SPPL3: variants seen among roughly 807,000 people sequenced by gnomAD.
SPPL3 encodes signal peptide peptidase-like 3.
Under a neutral mutation model 42.4 loss-of-function variants are expected in SPPL3, and 5 were observed. That is an observed-to-expected ratio of 0.12 (90% CI 0.06 to 0.25). The LOEUF is 0.25. Ranked by LOEUF, SPPL3 falls within the 10% of genes least tolerant of loss-of-function variation. The probability of loss-of-function intolerance (pLI) is 1.00; values close to 1 mark genes in which losing one functional copy is unlikely to be tolerated. For synonymous variants in SPPL3, 195 were observed against 181.8 expected, an observed-to-expected ratio of 1.07 and a Z score of -0.58; for missense variants, 235 against 489.0, an observed-to-expected ratio of 0.48 and a Z score of 4.90.
At chr12:120,783,824 C>G (rs1869623291) in intron 4 of SPPL3, 72 bp from the exon 5 acceptor site, 1 of 1,333,978 alleles carries the variant, frequency 7.5e-7, no homozygotes, top group African/African-American at 1.5e-5. Flanking sequence ...AAACTTCATT[C>G]CGCCAAACAC....
chr12:120,798,120 G>C (rs1870167357), intron 2 of SPPL3, among the ~76,000 whole-genome samples: 1 of 152,108 alleles, frequency 6.6e-6, no homozygotes, highest in East Asian at 1.9e-4. Flanking sequence ...TCCCCAGCAG[G>C]ACCAAAACAC....
At chr12:120,820,920 CCACCT>C (rs1871048100) in intron 1 of SPPL3, among the ~76,000 whole-genome samples, 1 of 151,996 alleles carries the variant, frequency 6.6e-6, no homozygotes, top group Non-Finnish European at 1.5e-5. Flanking sequence ...TATGGAGATC[CCACCT>C]CCACAAAAAT....
At chr12:120,800,922 A>C (rs1347101873) in intron 2 of SPPL3, among the ~76,000 whole-genome samples, 1 of 152,234 alleles carries the variant, frequency 6.6e-6, no homozygotes. Context: ...ATTCACAGAA[A>C]AACTCCATGA....
rs530826043 is a variant in SPPL3 at position 120,781,904 on chromosome 12, G to A, written c.502+751C>T. On this transcript the variant is annotated intron_variant, in intron 6 of 10. Transcript: ENST00000353487. The stretch of plus-strand genomic sequence containing the variant: ...TATTGTTACTTTTTAAAGAGACAGG[G>A]TCTCACTCTGTTGCTGAGGCTGGAG... 4.6e-5 allele frequency among the ~76,000 whole-genome samples: 7 copies of A among 151,530 alleles called. No homozygotes were observed. The South Asian group carries it at 1.5e-3, about 32-fold the overall frequency.
chr12:120,835,104 C>G (rs189415028), intron 1 of SPPL3, among the ~76,000 whole-genome samples: 1 of 151,790 alleles, frequency 6.6e-6, no homozygotes, highest in East Asian at 1.9e-4. Context: ...CCTGTTAGAC[C>G]ACAGTCTCCT....
chr12:120,885,785 A>T (rs1873432709), intron 1 of SPPL3, among the ~76,000 whole-genome samples: 1 of 152,026 alleles, frequency 6.6e-6, no homozygotes. Context: ...GTAAACAGAA[A>T]GTGATGGGGA....
chr12:120,789,310 C>T (rs1332347517), intron 3 of SPPL3, among the ~76,000 whole-genome samples: 1 of 151,282 alleles, frequency 6.6e-6, no homozygotes, highest in Non-Finnish European at 1.5e-5. Context: ...AAAAATTAGC[C>T]AGGTGTGGTG....
intron 1 of SPPL3, among the ~76,000 whole-genome samples, chr12:120,867,126 A>G (rs1872777287): frequency 6.6e-6 from 1 of 152,168 alleles, no homozygotes; most frequent in Non-Finnish European, 1.5e-5. Flanking sequence ...GCTATTTCCT[A>G]CATATAAAAT....
rs187374518 is a variant in SPPL3 at position 120,806,830 on chromosome 12, G to C, written c.101+3979C>G. ...CCACTGCACTCCAGCCTGGGCGACA[G>C]AGCGAGACTCCATTAAAAAAAAAAA... On this transcript the variant is annotated intron_variant, in intron 2 of 10. Coordinates refer to ENST00000353487, the MANE Select transcript of SPPL3 (RefSeq NM_139015.5). Among the ~76,000 whole-genome samples, 1,002 of 142,796 alleles carry C rather than the reference G, an allele frequency of 7.0e-3. 7 individuals carry two copies. The highest frequency in any genetic ancestry group is 0.028 in the South Asian group (118 of 4,210). The allele number at this position is 142,796 out of a possible 152,430, so 93.7% of individuals were successfully genotyped here.
At chr12:120,900,562 C>CCAGCCTG in intron 1 of SPPL3, among the ~76,000 whole-genome samples, 1 of 148,862 alleles carries the variant, frequency 6.7e-6, no homozygotes, top group East Asian at 2.0e-4. Flanking sequence ...CCACTGCACT[C>CCAGCCTG]CAGCCTGCAT....
intron 1 of SPPL3, among the ~76,000 whole-genome samples, chr12:120,828,917 G>A (rs1014073185): frequency 6.6e-6 from 1 of 151,722 alleles, no homozygotes; most frequent in South Asian, 2.1e-4. Flanking sequence ...TACCACTTCC[G>A]GCTAAGTTTT....
intron 1 of SPPL3, among the ~76,000 whole-genome samples, chr12:120,812,740 G>A (rs1476849671): frequency 6.6e-6 from 1 of 152,198 alleles, no homozygotes; most frequent in African/African-American, 2.4e-5. Context: ...AATGTGGCCT[G>A]AATTTAATCC....
At chr12:120,832,662 G>A (rs147006764) in intron 1 of SPPL3, among the ~76,000 whole-genome samples, 53 of 150,010 alleles carry the variant, frequency 3.5e-4, no homozygotes, top group African/African-American at 1.2e-3. Context: ...ACGAAACTCC[G>A]TCTCAAAAAA....
chr12:120,817,847 G>A, intron 1 of SPPL3, among the ~76,000 whole-genome samples: 1 of 152,078 alleles, frequency 6.6e-6, no homozygotes, highest in East Asian at 1.9e-4. Flanking sequence ...CCTCTATTCT[G>A]TTCTTTGCCC....
intron 1 of SPPL3, among the ~76,000 whole-genome samples, chr12:120,818,201 GA>G (rs1870943951): frequency 6.6e-6 from 1 of 152,152 alleles, no homozygotes; most frequent in African/African-American, 2.4e-5. Flanking sequence ...AATTCTTACT[GA>G]AACACAGAAA....
At chr12:120,787,101 T>C (rs1307400837) in intron 3 of SPPL3, among the ~76,000 whole-genome samples, 1 of 152,226 alleles carries the variant, frequency 6.6e-6, no homozygotes, top group Non-Finnish European at 1.5e-5. Context: ...TTACTGATTT[T>C]ACACCTCCCT....
chr12:120,853,056 G>C (rs1261083328), intron 1 of SPPL3, among the ~76,000 whole-genome samples: 2 of 151,516 alleles, frequency 1.3e-5, no homozygotes, highest in African/African-American at 2.4e-5. Flanking sequence ...CACCATGCCT[G>C]GCTAATTTTT....
rs1868724185 is a variant in SPPL3 at position 120,762,975 on chromosome 12, C to G, written c.*2024G>C. On this transcript the variant is annotated 3_prime_UTR_variant, in exon 11 of 11. Transcript: ENST00000353487. ...CTGGGCCTGCTTAATTAGCTATATGCATCCTCGAGGGCTGAGAAGGAAGGA... is the reference window on the plus strand; with the variant it reads ...CTGGGCCTGCTTAATTAGCTATATGGATCCTCGAGGGCTGAGAAGGAAGGA... 1 of 152,212 alleles carries G rather than the reference C, an allele frequency of 6.6e-6. No individual in the cohort carries two copies. Among genetic ancestry groups the G allele is most frequent in the African/African-American group, 2.4e-5 (1 of 41,430 alleles). 9.4% of individuals were successfully genotyped at this position (152,212 alleles called of 1,614,324 possible).
At chr12:120,892,548 T>G (rs1873671986) in intron 1 of SPPL3, among the ~76,000 whole-genome samples, 1 of 152,110 alleles carries the variant, frequency 6.6e-6, no homozygotes, top group Non-Finnish European at 1.5e-5. Context: ...TAACCCAGTG[T>G]GGCTGAAGTA....
Sources: gnomAD v4.1 joint callset for allele counts (sites outside exome capture counted in the v4.1 genomes callset) on GRCh38, gnomAD v4.1.1 for gene constraint, MANE v1.5 for transcripts, NCBI Gene and HGNC (gene_info 2026-07-23, HGNC 2026-07-21) for gene names.